The following GSE1 variants were observed in gnomAD, a reference collection of about 807,000 sequenced individuals.
The protein encoded by GSE1 is genetic suppressor element 1.
GSE1 carries 32 observed loss-of-function variants against 112.6 expected under a neutral mutation model. That is an observed-to-expected ratio of 0.28 (90% confidence interval 0.21 to 0.38). The LOEUF (loss-of-function observed/expected upper bound fraction) is 0.38, where lower values mean the gene tolerates loss of function less well. Ranked by LOEUF, GSE1 falls within the 10% of genes least tolerant of loss-of-function variation. GSE1 has a pLI of 1.00. For synonymous variants in GSE1, 1,115 were observed against 735.6 expected (o/e 1.52, Z -8.35); for missense variants, 2,348 against 1,699.2 (o/e 1.38, Z -6.71).
chr16:85,202,422 CG>C (rs1357333039), intron 1 of GSE1, among the ~76,000 whole-genome samples: 1 of 152,134 alleles, frequency 6.6e-6, no homozygotes, highest in African/African-American at 2.4e-5. Context: ...TGGGAGAGAG[CG>C]GGGGTGGGGC....
At chr16:85,190,817 C>T (rs2074804164) in intron 1 of GSE1, among the ~76,000 whole-genome samples, 1 of 152,230 alleles carries the variant, frequency 6.6e-6, no homozygotes, top group Admixed American at 6.5e-5. Flanking sequence ...ATTCCTGGCC[C>T]AGGGCACAAA....
intron 2 of GSE1, among the ~76,000 whole-genome samples, chr16:85,395,501 A>G (rs2047944753): frequency 6.6e-6 from 1 of 152,174 alleles, no homozygotes. Flanking sequence ...ATGTCTGGCC[A>G]GGCTGGACAC....
At chr16:85,368,559 G>C (rs2047233007) in intron 2 of GSE1, among the ~76,000 whole-genome samples, 1 of 151,904 alleles carries the variant, frequency 6.6e-6, no homozygotes, top group Non-Finnish European at 1.5e-5. Flanking sequence ...TTTAAAATTA[G>C]CTGGGCGTGG....
chr16:85,189,060 C>G (rs1040816501), intron 1 of GSE1, among the ~76,000 whole-genome samples: 3 of 152,164 alleles, frequency 2.0e-5, no homozygotes, highest in Admixed American at 1.3e-4. Context: ...TGCCGGAAGC[C>G]TATTCCTCAC....
upstream of GSE1, among the ~76,000 whole-genome samples, chr16:85,610,105 G>C (rs2047899786): frequency 6.6e-6 from 1 of 152,202 alleles, no homozygotes; most frequent in Admixed American, 6.5e-5. Context: ...TCCGCTCTTG[G>C]AGGCACAGTT....
intron 2 of GSE1, among the ~76,000 whole-genome samples, chr16:85,535,396 C>G (rs1257990980): frequency 2.0e-5 from 3 of 150,144 alleles, no homozygotes; most frequent in Non-Finnish European, 4.4e-5. Flanking sequence ...ACCCTGGCCT[C>G]GGCCTTCCTT....
At chr16:85,210,894 A>G (rs1222151515) in intron 1 of GSE1, among the ~76,000 whole-genome samples, 1 of 152,202 alleles carries the variant, frequency 6.6e-6, no homozygotes, top group Non-Finnish European at 1.5e-5. Flanking sequence ...CCAAGACCCA[A>G]GCAAGCTGTG....
At chr16:85,598,867 G>A (rs1412062023) in intron 1 of GSE1, among the ~76,000 whole-genome samples, 4 of 152,232 alleles carry the variant, frequency 2.6e-5, no homozygotes, top group Non-Finnish European at 5.9e-5. Flanking sequence ...GCTGGAGCAG[G>A]GACCTGTGGT....
At chr16:85,498,423 A>G (rs2051253335) in intron 2 of GSE1, among the ~76,000 whole-genome samples, 1 of 152,150 alleles carries the variant, frequency 6.6e-6, no homozygotes, top group South Asian at 2.1e-4. Flanking sequence ...ACACACAGAC[A>G]CACACGGACA....
At chr16:85,227,680 G>A (rs1302157247) in intron 1 of GSE1, among the ~76,000 whole-genome samples, 1 of 152,156 alleles carries the variant, frequency 6.6e-6, no homozygotes, top group Non-Finnish European at 1.5e-5. Flanking sequence ...GATGAGGGCA[G>A]GCAGAGAGGA....
intron 2 of GSE1, among the ~76,000 whole-genome samples, chr16:85,533,788 C>T (rs2044220938): frequency 6.6e-6 from 1 of 151,926 alleles, no homozygotes. Context: ...TCGCTTGAGC[C>T]CGGGAGGTGG....
At chr16:85,657,846 T>C (rs1006610214) in intron 8 of GSE1, among the ~76,000 whole-genome samples, 3 of 152,178 alleles carry the variant, frequency 2.0e-5, no homozygotes, top group African/African-American at 4.8e-5. Context: ...ATCAAGTCCA[T>C]GTTGAGAGCC....
intron 2 of GSE1, among the ~76,000 whole-genome samples, chr16:85,500,813 G>C (rs1248731874): frequency 6.6e-6 from 1 of 152,090 alleles, no homozygotes; most frequent in Non-Finnish European, 1.5e-5. Context: ...GGTGTCTGCA[G>C]AGCCATGCTC....
chr16:85,357,443 T>C lies in GSE1; in HGVS notation c.2284-20T>C, dbSNP rs936762878. The C allele has an allele frequency of 2.5e-6, 3 of 1,198,526 alleles. No homozygotes were observed. In the Admixed American group the frequency reaches 9.2e-5, roughly 37 times the overall value. 74.2% of individuals were successfully genotyped at this position (1,198,526 alleles called of 1,614,324 possible). A position where few individuals can be genotyped will look rare whatever the true frequency, so the allele number is the denominator to read the frequency against. The stretch of plus-strand genomic sequence containing the variant: ...GCAGGCATGGCCCAGGCTCACTGTG[T>C]CCACCTCTTTTCCTTTCAGCCTGTT... On this transcript the variant is annotated intron_variant, in intron 1 of 2. Transcript: ENST00000637419.
intron 1 of GSE1, among the ~76,000 whole-genome samples, chr16:85,326,682 A>G (rs1360185885): frequency 6.6e-6 from 1 of 152,154 alleles, no homozygotes; most frequent in Non-Finnish European, 1.5e-5. Flanking sequence ...TTCTTTATCA[A>G]TTCCTCAGTC....
intron 1 of GSE1, among the ~76,000 whole-genome samples, chr16:85,603,201 T>C (rs949157181): frequency 3.3e-5 from 5 of 152,196 alleles, no homozygotes; most frequent in African/African-American, 1.2e-4. Context: ...TTGAGGGAGC[T>C]CAGCTGGGGG....
intron 2 of GSE1, among the ~76,000 whole-genome samples, chr16:85,512,663 C>T (rs1257036447): frequency 5.9e-5 from 9 of 152,280 alleles, no homozygotes; most frequent in Middle Eastern, 3.4e-3. Flanking sequence ...ATTACAGGCA[C>T]GTAATAAATT....
intron 1 of GSE1, among the ~76,000 whole-genome samples, chr16:85,192,468 A>G (rs748148758): frequency 1.1e-4 from 16 of 152,210 alleles, no homozygotes; most frequent in Non-Finnish European, 4.4e-5. Context: ...CTTCTAGAAC[A>G]GGAGTTTCAT....
intron 1 of GSE1, among the ~76,000 whole-genome samples, chr16:85,603,216 G>A (rs1269600450): frequency 6.6e-6 from 1 of 152,256 alleles, no homozygotes; most frequent in African/African-American, 2.4e-5. Flanking sequence ...TGGGGGAGGG[G>A]ACATTGTGAA....
Sources: allele counts gnomAD v4.1 joint callset (sites outside exome capture counted in the v4.1 genomes callset), GRCh38; gene constraint gnomAD v4.1.1; transcripts MANE v1.5; gene names NCBI Gene and HGNC (gene_info 2026-07-23, HGNC 2026-07-21).